GPR108: variants seen among roughly 807,000 people sequenced by gnomAD.
The protein encoded by GPR108 is G protein-coupled receptor 108.
A neutral mutation model predicts 74.3 loss-of-function variants in GPR108; 60 were observed. The ratio of observed to expected loss-of-function variants is 0.81; its 90% confidence interval spans 0.66 to 1.00. The LOEUF (loss-of-function observed/expected upper bound fraction) is 1.00, where lower values mean the gene tolerates loss of function less well. Among genes scored for constraint, GPR108 ranks in the 50% least tolerant of loss-of-function variants. The pLI is 0.00. For synonymous variants in GPR108, 311 were observed against 292.4 expected, an observed-to-expected ratio of 1.06 and a Z score of -0.65; for missense variants, 667 against 703.3, an observed-to-expected ratio of 0.95 and a Z score of 0.58.
intron 10 of GPR108, 172 bp from the exon 11 acceptor site, chr19:6,732,721 G>T: frequency 5.9e-6 from 4 of 676,394 alleles, no homozygotes; most frequent in Non-Finnish European, 7.9e-6. Context: ...AAAAAATGGA[G>T]GGAACAGTCA....
In GPR108 at chr19:6,736,731, C is replaced by A. The variant is rs200895660; in HGVS notation, c.121-20G>T. On this transcript the variant is annotated intron_variant, in intron 1 of 17. Transcript: ENST00000264080. ...CTCCCCCTGCCGGAGACCAAGGAGG[C>A]AGAGGCAGTTCAGACCTCTTTCCGC... The A allele has an allele frequency of 3.3e-5, 53 of 1,613,856 alleles. No homozygotes were observed. In the East Asian group the frequency reaches 8.5e-4, roughly 26 times the overall value.
rs564357404 is a variant in GPR108, at chr19:6,733,659, C to G, written c.634G>C (p.Gly212Arg). ...SYNFSFHVVI[G>R]SQAEEGQYSL... is the part of the protein sequence containing the mutation. ...TACTGGCCTTCTTCCGCCTGAGAGC[C>G]GATCACCACGTGGAACTGGGCGGGC... The change falls in exon 8 of 18, where the codon GGC becomes CGC. Residue 212 changes from glycine to arginine, a missense_variant. Physicochemically the swap from Gly to Arg is moderately radical, Grantham distance 125. Coordinates refer to ENST00000264080, the MANE Select transcript of GPR108 (RefSeq NM_001080452.2). 2 of 1,614,060 alleles carry G rather than the reference C, an allele frequency of 1.2e-6. No individual in the cohort carries two copies. The highest frequency in any genetic ancestry group is 1.1e-5 in the South Asian group (1 of 91,074).
intron 7 of GPR108, 59 bp from the exon 8 acceptor site, chr19:6,733,733 A>G: frequency 3.2e-6 from 5 of 1,584,004 alleles, no homozygotes; most frequent in Non-Finnish European, 4.3e-6. Flanking sequence ...TGGGGCGACA[A>G]TCAGCTTGGG....
chr19:6,731,404 G>A (rs1968396111), intron 15 of GPR108, 69 bp downstream of exon 15: 4 of 1,497,436 alleles, frequency 2.7e-6, no homozygotes, highest in Admixed American at 2.2e-5. Context: ...CAGCAGCTGA[G>A]GGGCTGGGGT....
At position 6,734,252 on chromosome 19, in the gene GPR108, G is replaced by A. The variant is rs1968541959; in HGVS notation, c.430C>T (p.Leu144Phe). 1 of 1,614,168 alleles carries A rather than the reference G, an allele frequency of 6.2e-7. No homozygotes were observed. Among genetic ancestry groups the A allele is most frequent in the African/African-American group, 1.3e-5 (1 of 75,054 alleles). The change falls in exon 5 of 18, where the codon CTC (leucine) becomes TTC (phenylalanine). Residue 144 changes from leucine to phenylalanine, a missense_variant. By Grantham distance (22) the Leu-to-Phe change is conservative. Transcript: ENST00000264080. Reference sequence around the variant, plus strand: ...CCTGGTTTGGAGGGTGCTTCCGGGAGGAGCCCGGGAAAGATAAACAACGTC... The same window carrying A: ...CCTGGTTTGGAGGGTGCTTCCGGGAAGAGCCCGGGAAAGATAAACAACGTC... ...QKTLFIFPGL[L>F]PEAPSKPGLP...
At chr19:6,730,871 T>A in intron 17 of GPR108, 116 bp downstream of exon 17, 4 of 1,143,792 alleles carry the variant, frequency 3.5e-6, no homozygotes, top group Non-Finnish European at 3.7e-6. Flanking sequence ...GGCTCTGCCC[T>A]AACACTGCCC....
At chr19:6,737,220 A>G in intron 1 of GPR108, 2 of 536,112 alleles carry the variant, frequency 3.7e-6, no homozygotes, top group Middle Eastern at 5.0e-4. Context: ...TCCCCAAGAG[A>G]TGGAGCCTCG....
At chr19:6,733,489 G>C in intron 8 of GPR108, 81 bp downstream of exon 8, 1 of 1,467,858 alleles carries the variant, frequency 6.8e-7, no homozygotes, top group South Asian at 1.1e-5. Flanking sequence ...GCTGGGAAAA[G>C]CTAAGCGGGG....
Position 6,737,522 on chromosome 19 carries a change from G to GC in GPR108, c.54dup (p.Gln19AlafsTer93). 6.4e-7 allele frequency: 1 copy of GC among 1,571,248 alleles called. No individual in the cohort carries two copies. Among genetic ancestry groups the GC allele is most frequent in the African/African-American group, 1.4e-5 (1 of 72,604 alleles). On this transcript the variant is annotated frameshift_variant, in exon 1 of 18. Coordinates refer to ENST00000264080, the MANE Select transcript of GPR108 (RefSeq NM_001080452.2). LOFTEE classifies it high-confidence loss of function. ...AGCAGCAGCACCAGAAGTAGCCGCTGCCCCCACTCCGCGGGGCTCCCGCGG... is the reference window on the plus strand; with the variant it reads ...AGCAGCAGCACCAGAAGTAGCCGCTGCCCCCCACTCCGCGGGGCTCCCGCGG...
Position 6,734,009 on chromosome 19 carries a change from A to G in GPR108, c.545T>C (p.Ile182Thr), listed in dbSNP as rs1379641094. The change falls in exon 6 of 18, where the codon ATT becomes ACT. Residue 182 changes from isoleucine (I) to threonine (T), a missense_variant. Transcript: ENST00000264080. ...ASKPKSTPAV[I>T]QGPSGKDKDL... The stretch of plus-strand genomic sequence containing the variant: ...CCTGCCCCGCCTCCCCGAAACCTGA[A>G]TCACTGCGGGTGTTGACTTGGGCTT... The G allele has an allele frequency of 3.7e-6, 6 of 1,613,932 alleles. No homozygotes were observed. The East Asian group carries it at 6.7e-5, about 18-fold the overall frequency.
intron 8 of GPR108, 120 bp downstream of exon 8, chr19:6,733,450 A>C (rs762839976): frequency 3.1e-6 from 4 of 1,301,270 alleles, no homozygotes; most frequent in Non-Finnish European, 3.3e-6. Context: ...TCAAATGGGT[A>C]TAACAGCTCC....
Position 6,731,900 on chromosome 19 carries a change from C to T in GPR108, c.1291G>A (p.Asp431Asn), listed in dbSNP as rs763307808. 1.9e-6 allele frequency: 3 copies of T among 1,612,386 alleles called. No homozygotes were observed. The highest frequency in any genetic ancestry group is 2.5e-6 in the Non-Finnish European group (3 of 1,179,688). The change falls in exon 14 of 18, where the codon GAC (aspartate) becomes AAC (asparagine). Residue 431 changes from aspartate (D) to asparagine (N), a missense_variant. Physicochemically the swap from Asp to Asn is conservative, Grantham distance 23. Transcript: ENST00000264080. Reference sequence around the variant, plus strand: ...AGGCGCAGGGCCTCACCCTTCCCGTCTGTGCCAGACGCATCCTGGAGATGC... The same window carrying T: ...AGGCGCAGGGCCTCACCCTTCCCGTTTGTGCCAGACGCATCCTGGAGATGC... ...IRHLQDASGTDGKVAVNLAKL... is the reference protein window; with the variant it reads ...IRHLQDASGTNGKVAVNLAKL...
At chr19:6,732,804 G>C (rs927156821) in intron 10 of GPR108, 183 bp downstream of exon 10, 3 of 656,034 alleles carry the variant, frequency 4.6e-6, no homozygotes, top group Non-Finnish European at 8.1e-6. Context: ...GTGGTGGACA[G>C]AGCTGCCCCG....
At chr19:6,732,885 CG>C (rs1351325493) in intron 10 of GPR108, 101 bp downstream of exon 10, 1 of 1,022,040 alleles carries the variant, frequency 9.8e-7, no homozygotes, top group East Asian at 2.6e-5. Flanking sequence ...GGATAGCTGG[CG>C]GATGGCCCTC....
intron 14 of GPR108, 64 bp from the exon 15 acceptor site, chr19:6,731,586 G>C: frequency 1.0e-6 from 1 of 986,052 alleles, no homozygotes; most frequent in Admixed American, 2.9e-5. Flanking sequence ...GGAGGGGGCT[G>C]GGGGCTGGGA....
intron 12 of GPR108, 43 bp downstream of exon 12, chr19:6,732,220 T>C (rs753347320): frequency 1.2e-6 from 2 of 1,612,132 alleles, no homozygotes; most frequent in Non-Finnish European, 1.7e-6. Flanking sequence ...CACTGCCCTG[T>C]GCAGCCCTCC....
chr19:6,731,851 T>TGGGGCCATGAGCAGAGGGCCTGCAGGCGC, intron 14 of GPR108, 40 bp downstream of exon 14: 1 of 1,606,710 alleles, frequency 6.2e-7, no homozygotes, highest in South Asian at 1.1e-5. Context: ...GGAGGAGGAA[T>TGGGGCCATGAGCAGAGGGCCTGCAGGCGC]GGGGCCATGA....
rs757441215 is a variant in GPR108 at position 6,737,532 on chromosome 19, C to G, written c.45G>C (p.Ala15=). The change falls in exon 1 of 18, where the codon GCG becomes GCC. Residue 15 remains alanine (A), a synonymous_variant. Coordinates refer to ENST00000264080, the MANE Select transcript of GPR108 (RefSeq NM_001080452.2). The part of the protein sequence containing the change: ...ERRGLGRGSP[A]EWGQRLLLVL... ...CCAGAAGTAGCCGCTGCCCCCACTC[C>G]GCGGGGCTCCCGCGGCCGAGCCCCC... is the stretch of plus-strand genomic sequence containing the variant. 1 of 1,559,942 alleles carries G rather than the reference C, an allele frequency of 6.4e-7. No homozygotes were observed. The highest frequency in any genetic ancestry group is 1.1e-5 in the South Asian group (1 of 87,178).
rs1158206242 is a variant in GPR108 at position 6,730,559 on chromosome 19, C to T, written c.1560-175G>A. 1.4e-5 allele frequency: 9 copies of T among 624,350 alleles called. No homozygotes were observed. In the Middle Eastern group the frequency reaches 1.7e-3, roughly 118 times the overall value. The allele number at this position is 624,350 out of a possible 1,614,324, so 38.7% of individuals were successfully genotyped here. ...CACCTCGCTCCCACAGCAGCGCAGGCCCTACCCTTCTACTCCAACCACCTA... is the reference window on the plus strand; with the variant it reads ...CACCTCGCTCCCACAGCAGCGCAGGTCCTACCCTTCTACTCCAACCACCTA... On this transcript the variant is annotated intron_variant, in intron 17 of 17. Coordinates refer to ENST00000264080, the MANE Select transcript of GPR108 (RefSeq NM_001080452.2).
Sources: gnomAD v4.1 joint callset for allele counts on GRCh38, gnomAD v4.1.1 for gene constraint, MANE v1.5 for transcripts, NCBI Gene and HGNC (gene_info 2026-07-23, HGNC 2026-07-21) for gene names.